The following SLC60A1 variants were observed in gnomAD, a reference collection of about 807,000 sequenced individuals.
The protein encoded by SLC60A1 is major facilitator superfamily domain containing 4.
the SLC60A1 span, among the ~76,000 whole-genome samples, chr1:205,592,609 G>A: frequency 6.6e-6 from 1 of 151,938 alleles, no homozygotes; most frequent in Non-Finnish European, 1.5e-5. Context: ...CTCCCAGCGA[G>A]AACGCTGCCC....
chr1:205,594,575 G>GA, the SLC60A1 span, among the ~76,000 whole-genome samples: 1 of 151,166 alleles, frequency 6.6e-6, no homozygotes, highest in Non-Finnish European at 1.5e-5. Context: ...AGAATTGCTT[G>GA]AACCCAGGAG....
chr1:205,585,011 C>T, the SLC60A1 span: 96 of 1,600,036 alleles, frequency 6.0e-5, no homozygotes, highest in Non-Finnish European at 7.5e-5. The surrounding 1 kb of genome is among the most constrained non-coding windows in gnomAD (Gnocchi z 4.2). Flanking sequence ...CCTCAGAGGG[C>T]GCCCCCTACT....
At chr1:205,602,123 T>C in the SLC60A1 span, 4 of 152,366 alleles carry the variant, frequency 2.6e-5, no homozygotes, top group East Asian at 7.7e-4. Flanking sequence ...CAAATGGCTA[T>C]TAGAGTAACT....
chr1:205,569,822 T>C, the SLC60A1 span, among the ~76,000 whole-genome samples: 1,299 of 152,178 alleles, frequency 8.5e-3, 34 homozygotes, highest in Admixed American at 0.055. Flanking sequence ...CAGGCTCCAC[T>C]GTAGGCAGCT....
the SLC60A1 span, among the ~76,000 whole-genome samples, chr1:205,582,077 T>C: frequency 6.6e-6 from 1 of 152,230 alleles, no homozygotes; most frequent in African/African-American, 2.4e-5. Flanking sequence ...GGGGCTCTCA[T>C]AAACCCACCC....
chr1:205,569,300 G>A, the SLC60A1 span: 3 of 1,513,884 alleles, frequency 2.0e-6, no homozygotes, highest in Non-Finnish European at 2.7e-6. Flanking sequence ...TCAAAAGGAC[G>A]TGAGTGCCGC....
chr1:205,593,662 C>T, the SLC60A1 span, among the ~76,000 whole-genome samples: 13 of 152,066 alleles, frequency 8.5e-5, no homozygotes, highest in African/African-American at 2.7e-4. Context: ...TAAACCTGCA[C>T]ACTTTTTGTT....
At chr1:205,580,004 C>A in the SLC60A1 span, 1 of 1,548,344 alleles carries the variant, frequency 6.5e-7, no homozygotes, top group Non-Finnish European at 8.8e-7. This position sits in a 1 kb window ranked among gnomAD's most constrained non-coding sequence, Gnocchi z 5.0. Flanking sequence ...TGGGAGCTCC[C>A]TAGGCCCCCT....
At chr1:205,580,606 C>T in the SLC60A1 span, 1 of 1,588,076 alleles carries the variant, frequency 6.3e-7, no homozygotes, top group Non-Finnish European at 8.6e-7. The surrounding 1 kb of genome is among the most constrained non-coding windows in gnomAD (Gnocchi z 5.0). Context: ...GCCACCACTT[C>T]CCCGGGCTGA....
At chr1:205,598,117 A>AG in the SLC60A1 span, 1 of 387,444 alleles carries the variant, frequency 2.6e-6, no homozygotes, top group African/African-American at 2.1e-5. Flanking sequence ...GCAGGGCCAG[A>AG]GGGGGCCCGT....
the SLC60A1 span, among the ~76,000 whole-genome samples, chr1:205,578,086 G>T: frequency 6.6e-6 from 1 of 152,218 alleles, no homozygotes; most frequent in African/African-American, 2.4e-5. Context: ...TTTCCTGCAG[G>T]ATTGAAAGAC....
At chr1:205,593,940 TG>T in the SLC60A1 span, among the ~76,000 whole-genome samples, 1 of 152,144 alleles carries the variant, frequency 6.6e-6, no homozygotes, top group African/African-American at 2.4e-5. Context: ...CTCCTCTGAG[TG>T]GGGGCACTAC....
chr1:205,580,552 C>T, the SLC60A1 span: 1 of 1,399,522 alleles, frequency 7.1e-7, no homozygotes, highest in South Asian at 1.3e-5. This position sits in a 1 kb window ranked among gnomAD's most constrained non-coding sequence, Gnocchi z 5.0. Flanking sequence ...GAGGGTGGGG[C>T]TGGGGGAGGG....
chr1:205,585,071 G>C, the SLC60A1 span: 12 of 1,252,804 alleles, frequency 9.6e-6, no homozygotes, highest in African/African-American at 7.4e-5. This position sits in a 1 kb window ranked among gnomAD's most constrained non-coding sequence, Gnocchi z 4.2. Context: ...AAGAGAAAGA[G>C]AGGAGCATGA....
the SLC60A1 span, among the ~76,000 whole-genome samples, chr1:205,585,557 C>T: frequency 6.6e-6 from 1 of 152,174 alleles, no homozygotes; most frequent in African/African-American, 2.4e-5. The surrounding 1 kb of genome is among the most constrained non-coding windows in gnomAD (Gnocchi z 4.2). Flanking sequence ...GAGAAAAAGC[C>T]CTAAAAACTT....
At chr1:205,594,820 T>C in the SLC60A1 span, among the ~76,000 whole-genome samples, 1 of 152,088 alleles carries the variant, frequency 6.6e-6, no homozygotes, top group Non-Finnish European at 1.5e-5. Flanking sequence ...CTCCATCCCT[T>C]CTTTGATGGG....
At chr1:205,596,979 G>A in the SLC60A1 span, among the ~76,000 whole-genome samples, 1 of 152,194 alleles carries the variant, frequency 6.6e-6, no homozygotes, top group Non-Finnish European at 1.5e-5. Context: ...GACAACCTGG[G>A]CTTGGAACCC....
the SLC60A1 span, chr1:205,580,554 G>T: frequency 7.1e-7 from 1 of 1,409,066 alleles, no homozygotes. This position sits in a 1 kb window ranked among gnomAD's most constrained non-coding sequence, Gnocchi z 5.0. Flanking sequence ...GGGTGGGGCT[G>T]GGGGAGGGGG....
chr1:205,581,444 A>C, the SLC60A1 span, among the ~76,000 whole-genome samples: 1 of 152,316 alleles, frequency 6.6e-6, no homozygotes, highest in South Asian at 2.1e-4. This position sits in a 1 kb window ranked among gnomAD's most constrained non-coding sequence, Gnocchi z 4.2. Context: ...TCACATACCG[A>C]GGCCCGCTTT....
Sources: allele counts gnomAD v4.1 joint callset (sites outside exome capture counted in the v4.1 genomes callset), GRCh38; gene constraint gnomAD v4.1.1; non-coding constraint Gnocchi (gnomAD v3.1); transcripts MANE v1.5; gene names NCBI Gene and HGNC (gene_info 2026-07-23, HGNC 2026-07-21).